The following PHC2 variants were observed in gnomAD, a reference collection of about 807,000 sequenced individuals.
PHC2 encodes the protein polyhomeotic homolog 2.
PHC2 carries 29 observed loss-of-function variants against 87.4 expected under a neutral mutation model. That is an observed-to-expected ratio of 0.33 (90% CI 0.25 to 0.45). PHC2 has a LOEUF of 0.45. Ranked by LOEUF, PHC2 falls within the 20% of genes least tolerant of loss-of-function variation. The pLI, the probability that PHC2 is intolerant of heterozygous loss-of-function variation, is 1.00. For missense variants in PHC2, 857 were observed against 1,136.7 expected (o/e 0.75, Z 3.54); for synonymous variants, 438 against 461.7 (o/e 0.95, Z 0.66).
At chr1:33,408,787 T>C (rs1334414424) in intron 1 of PHC2, among the ~76,000 whole-genome samples, 1 of 152,150 alleles carries the variant, frequency 6.6e-6, no homozygotes, top group Admixed American at 6.5e-5. Flanking sequence ...GTTTTAAGTA[T>C]ATCTCTCATC....
chr1:33,418,943 T>G (rs1486969540), intron 1 of PHC2, among the ~76,000 whole-genome samples: 1 of 152,220 alleles, frequency 6.6e-6, no homozygotes, highest in Non-Finnish European at 1.5e-5. Flanking sequence ...AAGCCCTGTA[T>G]AGCATAGTGT....
intron 1 of PHC2, among the ~76,000 whole-genome samples, chr1:33,415,821 G>T (rs1173156817): frequency 6.6e-6 from 1 of 152,266 alleles, no homozygotes; most frequent in East Asian, 1.9e-4. Flanking sequence ...GTGTAAAAAA[G>T]ACATAAATTA....
chr1:33,403,376 C>T (rs12728732), intron 1 of PHC2, among the ~76,000 whole-genome samples: 26,066 of 151,732 alleles, frequency 0.17, 2,716 homozygotes, highest in South Asian at 0.27. Context: ...CCACCCGCCT[C>T]GGCCTCCCAA....
chr1:33,346,217 G>T (rs1207748735), intron 9 of PHC2: 1 of 983,412 alleles, frequency 1.0e-6, no homozygotes, highest in East Asian at 1.1e-4. Flanking sequence ...TTCCCATAGG[G>T]CTGGGGACTG....
At chr1:33,360,879 G>A (rs1187983486) in intron 7 of PHC2, among the ~76,000 whole-genome samples, 2 of 152,220 alleles carry the variant, frequency 1.3e-5, no homozygotes, top group Non-Finnish European at 2.9e-5. Context: ...ACAAGACGCT[G>A]ATGGCCAAGT....
chr1:33,370,309 T>A, intron 5 of PHC2, 112 bp downstream of exon 5: 10 of 882,724 alleles, frequency 1.1e-5, no homozygotes, highest in Non-Finnish European at 1.7e-5. Context: ...CCTTATCTCC[T>A]GCCCCTGCCC....
rs1354407010 is a variant in PHC2 at position 33,328,907 on chromosome 1, A to G, written c.2388T>C (p.Asn796=). The G allele has an allele frequency of 3.1e-6, 5 of 1,613,382 alleles. No individual in the cohort carries two copies. Among genetic ancestry groups the G allele is most frequent in the African/African-American group, 1.3e-5 (1 of 74,898 alleles). Reference sequence around the variant, plus strand: ...GGATGAATTCGTAGACGTCTTCTACATTCCACTTGGTGGGCTCACTTGGCA... The same window carrying G: ...GGATGAATTCGTAGACGTCTTCTACGTTCCACTTGGTGGGCTCACTTGGCA... The part of the protein sequence containing the change: ...HFLPSEPTKW[N]VEDVYEFIRS... The change falls in exon 14 of 15, where the codon AAT becomes AAC. Residue 796 remains asparagine (N), a synonymous_variant. Transcript: ENST00000683057.
chr1:33,356,711 C>G (rs1280386722), intron 7 of PHC2, among the ~76,000 whole-genome samples: 3 of 152,200 alleles, frequency 2.0e-5, no homozygotes, highest in African/African-American at 7.2e-5. Flanking sequence ...GACACAGTAA[C>G]AATCTGATTT....
chr1:33,390,993 T>C (rs559918706), intron 1 of PHC2, among the ~76,000 whole-genome samples: 21 of 152,238 alleles, frequency 1.4e-4, no homozygotes, highest in African/African-American at 4.8e-4. Context: ...GGGAGGGGGC[T>C]TTCTAGGTGG....
At chr1:33,355,952 A>T (rs893617190) in intron 7 of PHC2, among the ~76,000 whole-genome samples, 1 of 152,252 alleles carries the variant, frequency 6.6e-6, no homozygotes, top group African/African-American at 2.4e-5. Flanking sequence ...TGCACAGCAC[A>T]GTGCCTGGCA....
intron 1 of PHC2, among the ~76,000 whole-genome samples, chr1:33,408,408 A>G (rs1649848949): frequency 6.6e-6 from 1 of 152,106 alleles, no homozygotes; most frequent in African/African-American, 2.4e-5. Flanking sequence ...CTAGACAGTA[A>G]GCTCTTGAAG....
At chr1:33,337,851 G>C (rs1646670642) in intron 9 of PHC2, among the ~76,000 whole-genome samples, 1 of 152,214 alleles carries the variant, frequency 6.6e-6, no homozygotes, top group Admixed American at 6.5e-5. Context: ...TCATGTAAGA[G>C]ATCTGGTTGG....
chr1:33,384,742 T>G (rs1325959228), intron 1 of PHC2, among the ~76,000 whole-genome samples: 1 of 152,336 alleles, frequency 6.6e-6, no homozygotes, highest in Admixed American at 6.5e-5. Flanking sequence ...TACCCCAGCC[T>G]AGATTTGGTG....
chr1:33,387,922 G>C (rs75442199), intron 1 of PHC2, among the ~76,000 whole-genome samples: 14,914 of 152,280 alleles, frequency 0.098, 1,040 homozygotes, highest in East Asian at 0.28. Context: ...TGGTATCCCT[G>C]AAATCACACT....
At position 33,416,892 on chromosome 1, in the gene PHC2, CG is replaced by C. The variant is rs1176606375; in HGVS notation, c.-55+14083del. 5.3e-5 allele frequency among the ~76,000 whole-genome samples: 8 copies of C among 152,094 alleles called. No individual in the cohort carries two copies. The East Asian group carries it at 5.8e-4, about 11-fold the overall frequency. ...AATAGGTGAGTAAATATAAAGGTCA[CG>C]TTTCCTCATTTTTTACATATCTTTA... is the stretch of plus-strand genomic sequence containing the variant. On this transcript the variant is annotated intron_variant, in intron 1 of 14. Transcript: ENST00000683057.
At chr1:33,426,018 C>A (rs143698207) in intron 1 of PHC2, among the ~76,000 whole-genome samples, 126 of 152,248 alleles carry the variant, frequency 8.3e-4, no homozygotes, top group Middle Eastern at 3.4e-3. Context: ...TGGTAAGTGT[C>A]AAGTGATGTC....
At chr1:33,370,690 A>C in intron 4 of PHC2, 105 bp from the exon 5 acceptor site, 2 of 1,109,810 alleles carry the variant, frequency 1.8e-6, no homozygotes, top group Non-Finnish European at 2.6e-6. Context: ...TGGTTTATTC[A>C]GCCTCCTTCA....
chr1:33,427,233 C>T lies in PHC2; in HGVS notation c.-55+3743G>A, dbSNP rs565096462. Among the ~76,000 whole-genome samples, 18 of 152,260 alleles carry T rather than the reference C, an allele frequency of 1.2e-4. No individual in the cohort carries two copies. In the South Asian group the frequency reaches 1.9e-3, roughly 16 times the overall value. ...CAGAATGTATACAAAGAGCTTAGCACGATGCCTAGCACATAGTGAGCACTC... is the reference window on the plus strand; with the variant it reads ...CAGAATGTATACAAAGAGCTTAGCATGATGCCTAGCACATAGTGAGCACTC... On this transcript the variant is annotated intron_variant, in intron 1 of 14. Coordinates refer to ENST00000683057, the MANE Select transcript of PHC2 (RefSeq NM_001385109.1).
Position 33,354,463 on chromosome 1 carries a change from G to A in PHC2, c.1496C>T (p.Thr499Ile). The change falls in exon 9 of 15, where the codon ACT (threonine) becomes ATT (isoleucine). Residue 499 changes from threonine (T) to isoleucine (I), a missense_variant. Thr to Ile is a moderately conservative substitution (Grantham distance 89). Coordinates refer to ENST00000683057, the MANE Select transcript of PHC2 (RefSeq NM_001385109.1). ...GPSPHQQAIV[T>I]AMPGGLPVPT... ...TACAGGCAGGCCACCAGGCATGGCAGTGACAATAGCCTGCTGATGTGGTGA... is the reference window on the plus strand; with the variant it reads ...TACAGGCAGGCCACCAGGCATGGCAATGACAATAGCCTGCTGATGTGGTGA... The A allele has an allele frequency of 6.2e-7, 1 of 1,614,162 alleles. No homozygotes were observed. The highest frequency in any genetic ancestry group is 8.5e-7 in the Non-Finnish European group (1 of 1,180,016).
Sources: gnomAD v4.1 joint callset for allele counts (sites outside exome capture counted in the v4.1 genomes callset) on GRCh38, gnomAD v4.1.1 for gene constraint, MANE v1.5 for transcripts, NCBI Gene and HGNC (gene_info 2026-07-23, HGNC 2026-07-21) for gene names.